Variants in SOX6 observed in about 807,000 individuals in gnomAD.
SOX6 encodes SRY-box transcription factor 6, also known as transcription factor SOX-6.
A neutral mutation model predicts 97.8 loss-of-function variants in SOX6; 11 were observed. The ratio of observed to expected loss-of-function variants is 0.11; its 90% confidence interval spans 0.07 to 0.19. SOX6 has a LOEUF of 0.19. SOX6 is among the 10% of genes least tolerant of loss of function. SOX6 has a pLI of 1.00. For missense variants in SOX6, 810 were observed against 1,039.5 expected, an observed-to-expected ratio of 0.78 and a Z score of 3.04; for synonymous variants, 360 against 371.4, an observed-to-expected ratio of 0.97 and a Z score of 0.35.
intron 1 of SOX6, among the ~76,000 whole-genome samples, chr11:16,369,231 T>C (rs1009187681): frequency 1.3e-5 from 2 of 152,116 alleles, no homozygotes; most frequent in Non-Finnish European, 2.9e-5. Flanking sequence ...AAAATAACAT[T>C]TGCCCCATCT....
intron 3 of SOX6, among the ~76,000 whole-genome samples, chr11:16,680,736 T>C (rs1327784726): frequency 1.3e-5 from 2 of 152,090 alleles, no homozygotes; most frequent in Admixed American, 6.5e-5. Context: ...GAGACACACA[T>C]AGGATCAAAA....
intron 3 of SOX6, among the ~76,000 whole-genome samples, chr11:16,280,150 T>C (rs974727698): frequency 6.6e-6 from 1 of 152,122 alleles, no homozygotes; most frequent in East Asian, 1.9e-4. Flanking sequence ...TTTCAGTGTA[T>C]GCGTAAGAGT....
chr11:16,514,160 G>A (rs991183444), intron 4 of SOX6, among the ~76,000 whole-genome samples: 1 of 149,314 alleles, frequency 6.7e-6, no homozygotes, highest in Non-Finnish European at 1.5e-5. Context: ...AGGCTGCAGT[G>A]AGCCGGGATC....
chr11:16,351,679 AT>A (rs1458876914), intron 1 of SOX6, among the ~76,000 whole-genome samples: 2 of 151,912 alleles, frequency 1.3e-5, no homozygotes, highest in Non-Finnish European at 2.9e-5. Flanking sequence ...GTCTCTCCCT[AT>A]TTTCCTCACT....
chr11:16,485,554 A>G (rs1031150537), intron 4 of SOX6, among the ~76,000 whole-genome samples: 7 of 151,842 alleles, frequency 4.6e-5, no homozygotes, highest in Admixed American at 4.6e-4. Flanking sequence ...ACATGGTGAA[A>G]CCCTGTCTCT....
chr11:16,146,798 G>A (rs1458045826), intron 6 of SOX6, among the ~76,000 whole-genome samples: 21 of 152,202 alleles, frequency 1.4e-4, no homozygotes, highest in Admixed American at 4.6e-4. Context: ...CAAAGCCACA[G>A]TGAGATACCA....
At chr11:16,295,994 A>G (rs959392159) in intron 3 of SOX6, among the ~76,000 whole-genome samples, 1 of 152,122 alleles carries the variant, frequency 6.6e-6, no homozygotes, top group Admixed American at 6.6e-5. Flanking sequence ...GACTAAAATT[A>G]TCTAGTCCTG....
chr11:16,669,824 C>T (rs752296476), intron 3 of SOX6, among the ~76,000 whole-genome samples: 4 of 152,266 alleles, frequency 2.6e-5, no homozygotes, highest in Admixed American at 2.0e-4. Context: ...TCTGACACAA[C>T]CACCCTGCCC....
rs184170562 is a variant in SOX6 at position 16,251,238 on chromosome 11, C to T, written c.446-16567G>A. Among the ~76,000 whole-genome samples, 273 of 151,882 alleles carry T rather than the reference C, an allele frequency of 1.8e-3. 2 individuals are homozygous for T. The highest frequency in any genetic ancestry group is 5.7e-3 in the African/African-American group (238 of 41,452). On this transcript the variant is annotated intron_variant, in intron 3 of 15. Transcript: ENST00000683767. ...CTTAAAAGCTGGAAAAAGAAATAAA[C>T]GCCCAAAAATGAACAATTAAGGAAA...
At chr11:16,414,806 T>C (rs1196997832) in intron 1 of SOX6, among the ~76,000 whole-genome samples, 1 of 152,062 alleles carries the variant, frequency 6.6e-6, no homozygotes, top group African/African-American at 2.4e-5. Context: ...CTACATGAAA[T>C]ATATCAAGAA....
intron 13 of SOX6, among the ~76,000 whole-genome samples, chr11:15,993,363 T>A (rs1001355290): frequency 6.6e-6 from 1 of 152,308 alleles, no homozygotes; most frequent in African/African-American, 2.4e-5. Flanking sequence ...AATCCAGAAC[T>A]TGGAATGGCT....
At chr11:16,085,297 C>G (rs767381819) in intron 9 of SOX6, among the ~76,000 whole-genome samples, 16 of 151,760 alleles carry the variant, frequency 1.1e-4, no homozygotes, top group Non-Finnish European at 1.8e-4. Context: ...ATTCCAGTGA[C>G]AGTAAGTGTT....
At chr11:16,398,986 A>T (rs1858457291) in intron 1 of SOX6, among the ~76,000 whole-genome samples, 1 of 151,424 alleles carries the variant, frequency 6.6e-6, no homozygotes, top group African/African-American at 2.4e-5. Flanking sequence ...AAAGATGATT[A>T]TGAGAGAAGG....
At position 15,969,369 on chromosome 11, in the gene SOX6, A is replaced by C. The variant is rs958988948; in HGVS notation, c.*3440T>G. ...GTCACAGAACTATCTTAGAAGATTT[A>C]TGTAGACTCCCAAAGCAAACTGACT... On this transcript the variant is annotated 3_prime_UTR_variant, in exon 16 of 16. Transcript: ENST00000683767. 1.3e-5 allele frequency: 2 copies of C among 152,184 alleles called. No homozygotes were observed. The highest frequency in any genetic ancestry group is 2.9e-5 in the Non-Finnish European group (2 of 68,020). The allele number at this position is 152,184 out of a possible 1,614,324, so 9.4% of individuals were successfully genotyped here.
intron 4 of SOX6, among the ~76,000 whole-genome samples, chr11:16,516,905 T>G (rs1301603468): frequency 4.7e-5 from 7 of 148,400 alleles, no homozygotes; most frequent in Non-Finnish European, 8.9e-5. Flanking sequence ...ATATCCTTGA[T>G]GAACATTGAT....
rs34115428 is a variant in SOX6, at chr11:16,356,219, CAAA to C, written c.-133_-131del. 7.9e-6 allele frequency among the ~76,000 whole-genome samples: 1 copy of C among 126,904 alleles called. No homozygotes were observed. The allele number at this position is 126,904 out of a possible 152,430, so 83.3% of individuals were successfully genotyped here. A position where few individuals can be genotyped will look rare whatever the true frequency, so the allele number is the denominator to read the frequency against. On this transcript the variant is annotated 5_prime_UTR_variant, in exon 1 of 16. Transcript: ENST00000683767. ...TCACAAGAAACCTCTGACTGCCAAC[CAAA>C]AAAAAAAAAAACCCAACCCCACAGC...
Position 16,250,055 on chromosome 11 carries a change from T to C in SOX6, c.446-15384A>G, listed in dbSNP as rs561076349. On this transcript the variant is annotated intron_variant, in intron 3 of 15. Coordinates refer to ENST00000683767, the MANE Select transcript of SOX6 (RefSeq NM_001367873.1). ...GAGGCAGAGGGGAAGCCAAACTTTA[T>C]AAAGCAGGAGTCCCCAACCCCTGGG... 3.3e-5 allele frequency among the ~76,000 whole-genome samples: 5 copies of C among 152,310 alleles called. No homozygotes were observed. The East Asian group carries it at 9.6e-4, about 29-fold the overall frequency.
intron 4 of SOX6, among the ~76,000 whole-genome samples, chr11:16,565,243 A>T (rs1235772036): frequency 7.9e-5 from 12 of 152,170 alleles, no homozygotes; most frequent in Admixed American, 7.9e-4. Context: ...AAATTACTAC[A>T]ATTCACTCAA....
intron 4 of SOX6, among the ~76,000 whole-genome samples, chr11:16,550,959 T>G (rs1255584774): frequency 2.0e-5 from 3 of 152,164 alleles, no homozygotes; most frequent in Non-Finnish European, 4.4e-5. Flanking sequence ...GGCTCACACC[T>G]GTAATTCCAG....
Sources: allele counts gnomAD v4.1 joint callset (sites outside exome capture counted in the v4.1 genomes callset), GRCh38; gene constraint gnomAD v4.1.1; transcripts MANE v1.5; gene names NCBI Gene and HGNC (gene_info 2026-07-23, HGNC 2026-07-21).